Variants in MACIR observed in about 807,000 individuals in gnomAD.
The protein encoded by MACIR is macrophage immunometabolism regulator.
MACIR carries 4 observed loss-of-function variants against 14.3 expected under a neutral mutation model. The ratio of observed to expected loss-of-function variants is 0.28; its 90% CI spans 0.14 to 0.64. The LOEUF (loss-of-function observed/expected upper bound fraction) is 0.64, where lower values mean the gene tolerates loss of function less well. Ranked by LOEUF, MACIR falls within the 30% of genes least tolerant of loss-of-function variation. The pLI is 0.83. For missense variants in MACIR, 228 were observed against 257.6 expected, an observed-to-expected ratio of 0.89 and a Z score of 0.79; for synonymous variants, 101 against 102.4, an observed-to-expected ratio of 0.99 and a Z score of 0.08.
At chr5:103,260,187 C>G (rs1804626887) in intron 1 of MACIR, among the ~76,000 whole-genome samples, 1 of 149,868 alleles carries the variant, frequency 6.7e-6, no homozygotes, top group Non-Finnish European at 1.5e-5. Flanking sequence ...AAGAACAATT[C>G]TTGCATATTT....
At chr5:103,263,337 G>A (rs1452877077) in intron 1 of MACIR, among the ~76,000 whole-genome samples, 3 of 152,054 alleles carry the variant, frequency 2.0e-5, no homozygotes, top group Admixed American at 2.0e-4. Context: ...TGGTTTTCTT[G>A]TGTTGCTCCC....
At chr5:103,260,312 A>G (rs1241509502) in intron 1 of MACIR, among the ~76,000 whole-genome samples, 1 of 151,734 alleles carries the variant, frequency 6.6e-6, no homozygotes, top group Non-Finnish European at 1.5e-5. Flanking sequence ...TTGACACTAT[A>G]GAGGTAGAAA....
chr5:103,260,063 G>GTT (rs1391453598), intron 1 of MACIR, among the ~76,000 whole-genome samples: 1 of 88,136 alleles, frequency 1.1e-5, no homozygotes, highest in African/African-American at 3.1e-5. Context: ...GTGTGTGTGT[G>GTT]TGTGTGTGTG....
At chr5:103,260,851 C>T (rs553230039) in intron 1 of MACIR, among the ~76,000 whole-genome samples, 91 of 152,282 alleles carry the variant, frequency 6.0e-4, no homozygotes, top group Non-Finnish European at 1.1e-3. Context: ...TTGATTTTGT[C>T]ACCAGCCTAT....
intron 2 of MACIR, among the ~76,000 whole-genome samples, chr5:103,269,045 G>A (rs896289814): frequency 2.0e-5 from 3 of 151,902 alleles, no homozygotes; most frequent in Admixed American, 6.6e-5. Flanking sequence ...ATCTCTAAAA[G>A]TATAAAAGAA....
Position 103,276,600 on chromosome 5 carries a change from A to C in MACIR, c.*60A>C. ...GCCTACGCTTGGCTAGAAAAAACCC[A>C]CTGCTGTACTCTGTACATGACTCTT... On this transcript the variant is annotated 3_prime_UTR_variant, in exon 3 of 3. Transcript: ENST00000319933. 6.8e-7 allele frequency: 1 copy of C among 1,463,240 alleles called. No homozygotes were observed. The highest frequency in any genetic ancestry group is 9.3e-7 in the Non-Finnish European group (1 of 1,077,086). The allele number at this position is 1,463,240 out of a possible 1,614,324, so 90.6% of individuals were successfully genotyped here.
rs2288784 is a variant in MACIR, at chr5:103,269,123, G to A, written c.-24+3126G>A. On this transcript the variant is annotated intron_variant, in intron 2 of 2. Coordinates refer to ENST00000319933, the MANE Select transcript of MACIR (RefSeq NM_033211.4). ...CTTGGGAGGCTGACGTGGGAGGATCGCTTGAGACCAGGAGTTTGAGGCTGC... is the reference window on the plus strand; with the variant it reads ...CTTGGGAGGCTGACGTGGGAGGATCACTTGAGACCAGGAGTTTGAGGCTGC... Among the ~76,000 whole-genome samples the A allele has an allele frequency of 6.6e-5, 10 of 152,134 alleles. No individual in the cohort carries two copies. In the South Asian group the frequency reaches 1.2e-3, roughly 19 times the overall value.
intron 1 of MACIR, among the ~76,000 whole-genome samples, chr5:103,263,479 G>C (rs139711027): frequency 6.6e-6 from 1 of 152,222 alleles, no homozygotes; most frequent in African/African-American, 2.4e-5. Context: ...TGCAAGAGTT[G>C]GGTAATGTCT....
chr5:103,269,852 C>T (rs1197422064), intron 2 of MACIR, among the ~76,000 whole-genome samples: 4 of 152,106 alleles, frequency 2.6e-5, no homozygotes, highest in African/African-American at 9.7e-5. Context: ...TTGAAATGTA[C>T]ACTGTATATA....
At chr5:103,263,199 ACCTCCTCCT>A (rs1192451453) in intron 1 of MACIR, among the ~76,000 whole-genome samples, 2,566 of 141,680 alleles carry the variant, frequency 0.018, 62 homozygotes, top group African/African-American at 0.064. Context: ...TTCACCATAT[ACCTCCTCCT>A]CCTCCTCCTC....
chr5:103,277,969 C>T lies in MACIR; in HGVS notation c.*1429C>T, dbSNP rs1195089678. 1.2e-5 allele frequency: 2 copies of T among 166,870 alleles called. No individual in the cohort carries two copies. Among genetic ancestry groups the T allele is most frequent in the Admixed American group, 1.3e-4 (2 of 15,274 alleles). The allele number at this position is 166,870 out of a possible 1,614,324, so 10.3% of individuals were successfully genotyped here. A position where few individuals can be genotyped will look rare whatever the true frequency, so the allele number is the denominator to read the frequency against. The stretch of plus-strand genomic sequence containing the variant: ...TGGTGCAATTGTGATTTTTCTTTAG[C>T]CAGAATGAATGGCAAACTCTATTTA... On this transcript the variant is annotated 3_prime_UTR_variant, in exon 3 of 3. Transcript: ENST00000319933.
At chr5:103,265,616 A>G (rs1328661820) in intron 1 of MACIR, among the ~76,000 whole-genome samples, 2 of 152,140 alleles carry the variant, frequency 1.3e-5, no homozygotes, top group African/African-American at 4.8e-5. Flanking sequence ...ACCAATACTT[A>G]TTACCTTACT....
At chr5:103,263,011 T>C (rs1238094246) in intron 1 of MACIR, among the ~76,000 whole-genome samples, 2 of 152,142 alleles carry the variant, frequency 1.3e-5, no homozygotes, top group African/African-American at 2.4e-5. Flanking sequence ...ATTTGAAAGG[T>C]ACATGTTTTG....
At chr5:103,274,825 A>G (rs191245814) in intron 2 of MACIR, among the ~76,000 whole-genome samples, 1 of 152,300 alleles carries the variant, frequency 6.6e-6, no homozygotes, top group African/African-American at 2.4e-5. Flanking sequence ...TTGATTAGCA[A>G]TCTGAGATAC....
At position 103,275,966 on chromosome 5, in the gene MACIR, T is replaced by C; in HGVS notation, c.47T>C (p.Leu16Ser). Reference protein sequence around the residue: ...NGESRSTLTTLPFPGAEANSP... With the variant: ...NGESRSTLTTSPFPGAEANSP... The stretch of plus-strand genomic sequence containing the variant: ...GAGTCTAGAAGTACCCTGACCACCT[T>C]GCCCTTCCCTGGGGCTGAGGCCAAC... The change falls in exon 3 of 3, where the codon TTG becomes TCG. Residue 16 changes from leucine to serine, a missense_variant. Coordinates refer to ENST00000319933, the MANE Select transcript of MACIR (RefSeq NM_033211.4). 6.2e-7 allele frequency: 1 copy of C among 1,613,996 alleles called. No homozygotes were observed.
Position 103,276,864 on chromosome 5 carries a change from CT to C in MACIR, c.*325del, listed in dbSNP as rs1805357115. On this transcript the variant is annotated 3_prime_UTR_variant, in exon 3 of 3. Coordinates refer to ENST00000319933, the MANE Select transcript of MACIR (RefSeq NM_033211.4). ...CTGACACTCAAATTGGGAATGTTAC[CT>C]GCTTGGTTGTTGCTGACTTGATATG... 4.7e-6 allele frequency: 1 copy of C among 211,326 alleles called. No individual in the cohort carries two copies. Among genetic ancestry groups the C allele is most frequent in the South Asian group, 1.6e-4 (1 of 6,148 alleles). 13.1% of individuals were successfully genotyped at this position (211,326 alleles called of 1,614,324 possible).
intron 1 of MACIR, among the ~76,000 whole-genome samples, chr5:103,261,709 T>TCTTTCTCTCTTTCTTTCTTTCTTC (rs1804732717): frequency 9.7e-6 from 1 of 102,974 alleles, no homozygotes; most frequent in African/African-American, 3.8e-5. Flanking sequence ...TTTCTTCCTT[T>TCTTTCTCTCTTTCTTTCTTTCTTC]CTTTCTTTCT....
At chr5:103,271,667 A>G (rs1805131141) in intron 2 of MACIR, among the ~76,000 whole-genome samples, 1 of 152,110 alleles carries the variant, frequency 6.6e-6, no homozygotes, top group African/African-American at 2.4e-5. Flanking sequence ...TTGTGAGGGA[A>G]TTAGATATTG....
In MACIR at chr5:103,276,114, G is replaced by C; in HGVS notation, c.195G>C (p.Thr65=). The C allele has an allele frequency of 1.2e-6, 2 of 1,613,980 alleles. No homozygotes were observed. Among genetic ancestry groups the C allele is most frequent in the Non-Finnish European group, 1.7e-6 (2 of 1,180,002 alleles). ...HMDSNYLVGF[T]TGEELLKLAQ... is the part of the protein sequence containing the mutation. The stretch of plus-strand genomic sequence containing the variant: ...ACTCTAACTATTTGGTTGGCTTCAC[G>C]ACTGGCGAGGAACTCCTGAAGTTAG... The change falls in exon 3 of 3, where the codon ACG becomes ACC. Residue 65 remains threonine, a synonymous_variant. Coordinates refer to ENST00000319933, the MANE Select transcript of MACIR (RefSeq NM_033211.4).
Sources: gnomAD v4.1 joint callset for allele counts (sites outside exome capture counted in the v4.1 genomes callset) on GRCh38, gnomAD v4.1.1 for gene constraint, MANE v1.5 for transcripts, NCBI Gene and HGNC (gene_info 2026-07-23, HGNC 2026-07-21) for gene names.